Variants in KCNJ16 observed in about 807,000 individuals in gnomAD.
The protein encoded by KCNJ16 is inward rectifier potassium channel 16.
In KCNJ16, 15 loss-of-function variants were observed where a neutral mutation model predicts 18.5. The observed-to-expected ratio is 0.81, with a 90% CI of 0.54 to 1.25. The LOEUF (loss-of-function observed/expected upper bound fraction) is 1.25, where lower values mean the gene tolerates loss of function less well. Ranked by LOEUF, KCNJ16 falls within the 50% of genes most tolerant of loss-of-function variation. The pLI is 0.00. For synonymous variants in KCNJ16, 174 were observed against 186.5 expected (o/e 0.93, Z 0.55); for missense variants, 523 against 525.7 (o/e 0.99, Z 0.05).
At chr17:70,088,206 A>G (rs1289798764) in intron 1 of KCNJ16, among the ~76,000 whole-genome samples, 1 of 152,058 alleles carries the variant, frequency 6.6e-6, no homozygotes, top group East Asian at 1.9e-4. Context: ...TTTGTAGAAG[A>G]CGATTTTTTT....
In KCNJ16 at chr17:70,134,810, C is replaced by T. The variant is rs565290002; in HGVS notation, c.*1466C>T. 3 of 167,098 alleles carry T rather than the reference C, an allele frequency of 1.8e-5. No individual in the cohort carries two copies. Among genetic ancestry groups the T allele is most frequent in the African/African-American group, 7.2e-5 (3 of 41,554 alleles). 10.4% of individuals were successfully genotyped at this position (167,098 alleles called of 1,614,324 possible). A position where few individuals can be genotyped will look rare whatever the true frequency, so the allele number is the denominator to read the frequency against. On this transcript the variant is annotated 3_prime_UTR_variant, in exon 4 of 4. Coordinates refer to ENST00000392671, the MANE Select transcript of KCNJ16 (RefSeq NM_170741.4). ...TGCTTTTTCTGGAAAATCTTTCTTT[C>T]TCTTCTCTCTCCATGAAAATTAAAA... is the stretch of plus-strand genomic sequence containing the variant.
intron 1 of KCNJ16, among the ~76,000 whole-genome samples, chr17:70,085,345 CTT>C (rs2071746422): frequency 6.6e-6 from 1 of 152,104 alleles, no homozygotes. Flanking sequence ...TCATAACAGA[CTT>C]TATTTTTATG....
chr17:70,110,180 T>C (rs1050645063), intron 2 of KCNJ16, among the ~76,000 whole-genome samples: 2 of 152,166 alleles, frequency 1.3e-5, no homozygotes, highest in African/African-American at 2.4e-5. Flanking sequence ...TGTGAATGTC[T>C]CTTCATTTCA....
Position 70,135,289 on chromosome 17 carries a change from C to G in KCNJ16, c.*1945C>G, listed in dbSNP as rs1385358064. The stretch of plus-strand genomic sequence containing the variant: ...CAATCTTGTAAGTAGAAAACAGCCA[C>G]CATGACAATAAACAAAAACACTTAA... On this transcript the variant is annotated 3_prime_UTR_variant, in exon 4 of 4. Transcript: ENST00000392671. 6.0e-6 allele frequency: 1 copy of G among 166,952 alleles called. No individual in the cohort carries two copies. The highest frequency in any genetic ancestry group is 1.5e-5 in the Non-Finnish European group (1 of 68,124). The allele number at this position is 166,952 out of a possible 1,614,324, so 10.3% of individuals were successfully genotyped here.
intron 2 of KCNJ16, among the ~76,000 whole-genome samples, chr17:70,103,896 T>C (rs1244087702): frequency 6.6e-6 from 1 of 151,996 alleles, no homozygotes; most frequent in African/African-American, 2.4e-5. Context: ...AAGTATTTAC[T>C]GTGCTATTTA....
chr17:70,081,939 C>T (rs1449044520), intron 1 of KCNJ16, among the ~76,000 whole-genome samples: 1 of 152,040 alleles, frequency 6.6e-6, no homozygotes, highest in African/African-American at 2.4e-5. Context: ...AAAATAATAG[C>T]ATTCAGTGAC....
intron 1 of KCNJ16, among the ~76,000 whole-genome samples, chr17:70,094,542 T>A (rs948252437): frequency 1.3e-5 from 2 of 152,160 alleles, no homozygotes; most frequent in African/African-American, 4.8e-5. Context: ...TTATCTAGAA[T>A]GAAAGGATGG....
intron 2 of KCNJ16, among the ~76,000 whole-genome samples, chr17:70,118,806 A>G (rs142913229): frequency 1.3e-5 from 2 of 152,232 alleles, no homozygotes; most frequent in African/African-American, 4.8e-5. Context: ...CCCAAACTAT[A>G]TTATTCTGCC....
At chr17:70,120,185 C>T (rs1204430570) in intron 2 of KCNJ16, among the ~76,000 whole-genome samples, 5 of 152,194 alleles carry the variant, frequency 3.3e-5, no homozygotes, top group Admixed American at 3.3e-4. Flanking sequence ...TGCTCCAGTT[C>T]CCAATAAGTT....
At chr17:70,106,475 T>C (rs874690) in intron 2 of KCNJ16, among the ~76,000 whole-genome samples, 1 of 151,954 alleles carries the variant, frequency 6.6e-6, no homozygotes, top group African/African-American at 2.4e-5. Context: ...GAGAAACTGA[T>C]AGAGAGAGTG....
chr17:70,100,256 C>T (rs1270019127), intron 1 of KCNJ16, among the ~76,000 whole-genome samples: 1 of 152,154 alleles, frequency 6.6e-6, no homozygotes, highest in African/African-American at 2.4e-5. Flanking sequence ...CTAATGCCTA[C>T]GTGGTATTAC....
At chr17:70,081,979 T>C (rs2071575909) in intron 1 of KCNJ16, among the ~76,000 whole-genome samples, 1 of 152,226 alleles carries the variant, frequency 6.6e-6, no homozygotes, top group Non-Finnish European at 1.5e-5. Flanking sequence ...CAGAAGGTTG[T>C]TGTCTTTTAC....
At chr17:70,113,836 T>C (rs1299822046) in intron 2 of KCNJ16, among the ~76,000 whole-genome samples, 2 of 151,966 alleles carry the variant, frequency 1.3e-5, no homozygotes, top group African/African-American at 4.8e-5. Flanking sequence ...AGAGAAAGTA[T>C]TAAAAAAAAC....
At chr17:70,108,038 C>G (rs1233404618) in intron 2 of KCNJ16, among the ~76,000 whole-genome samples, 1 of 152,088 alleles carries the variant, frequency 6.6e-6, no homozygotes, top group Admixed American at 6.6e-5. Context: ...ATCTACATCC[C>G]TGTAAAATTC....
chr17:70,077,511 G>T (rs2071365496), intron 1 of KCNJ16, among the ~76,000 whole-genome samples: 1 of 152,184 alleles, frequency 6.6e-6, no homozygotes, highest in Admixed American at 6.5e-5. Flanking sequence ...CATGAAACTT[G>T]TAAGGGAAAC....
intron 1 of KCNJ16, among the ~76,000 whole-genome samples, chr17:70,097,281 G>A (rs147312664): frequency 1.3e-5 from 2 of 152,240 alleles, no homozygotes; most frequent in Admixed American, 1.3e-4. Context: ...TTTGTCCTGG[G>A]AAGTTTCTAG....
intron 2 of KCNJ16, among the ~76,000 whole-genome samples, 163 bp from the exon 3 acceptor site, chr17:70,130,716 T>C (rs914859399): frequency 6.6e-6 from 1 of 152,220 alleles, no homozygotes; most frequent in Admixed American, 6.5e-5. Flanking sequence ...TATTTATTCA[T>C]ACTGCATTTT....
At chr17:70,076,184 C>CTT (rs1410131442) in intron 1 of KCNJ16, among the ~76,000 whole-genome samples, 1 of 151,976 alleles carries the variant, frequency 6.6e-6, no homozygotes, top group African/African-American at 2.4e-5. Context: ...ACTGAATGGT[C>CTT]TTTAGAAAAA....
rs770880749 is a variant in KCNJ16 at position 70,132,094 on chromosome 17, T to G, written c.7T>G (p.Tyr3Asp). 6.2e-7 allele frequency: 1 copy of G among 1,614,206 alleles called. No individual in the cohort carries two copies. The highest frequency in any genetic ancestry group is 1.7e-5 in the Admixed American group (1 of 60,024). Residue 3 changes from tyrosine to aspartate, a missense_variant, in exon 4 of 4, where the codon TAT (tyrosine) becomes GAT (aspartate). Physicochemically the swap from Tyr to Asp is radical, Grantham distance 160. Coordinates refer to ENST00000392671, the MANE Select transcript of KCNJ16 (RefSeq NM_170741.4). The stretch of plus-strand genomic sequence containing the variant: ...CCTAAGGGCACAGCAAAGAATGAGC[T>G]ATTACGGCAGCAGCTATCATATTAT... Reference protein sequence around the residue: MSYYGSSYHIINA... With the variant: MSDYGSSYHIINA...
Sources: allele counts gnomAD v4.1 joint callset (sites outside exome capture counted in the v4.1 genomes callset), GRCh38; gene constraint gnomAD v4.1.1; transcripts MANE v1.5; gene names NCBI Gene and HGNC (gene_info 2026-07-23, HGNC 2026-07-21).